RANBP9: variants seen among roughly 807,000 people sequenced by gnomAD.
RANBP9 encodes the protein RAN binding protein 9, also known as ran-binding protein 9.
In RANBP9, 15 loss-of-function variants were observed where a neutral mutation model predicts 84.3. The ratio of observed to expected loss-of-function variants is 0.18; its 90% confidence interval spans 0.12 to 0.27. The LOEUF (loss-of-function observed/expected upper bound fraction) is 0.27. Ranked by LOEUF, RANBP9 falls within the 10% of genes least tolerant of loss-of-function variation. The pLI is 1.00. For synonymous variants in RANBP9, 392 were observed against 349.6 expected (o/e 1.12, Z -1.35); for missense variants, 809 against 912.8 (o/e 0.89, Z 1.46).
intron 2 of RANBP9, among the ~76,000 whole-genome samples, chr6:13,694,427 TA>T (rs1399013990): frequency 6.6e-6 from 1 of 152,218 alleles, no homozygotes; most frequent in Non-Finnish European, 1.5e-5. Context: ...TGATTCCATT[TA>T]TATGCCATTC....
At chr6:13,699,835 G>A (rs1757923208) in intron 1 of RANBP9, among the ~76,000 whole-genome samples, 1 of 152,146 alleles carries the variant, frequency 6.6e-6, no homozygotes, top group Non-Finnish European at 1.5e-5. Context: ...ACTCCAGCCT[G>A]AGCAATAGAG....
intron 2 of RANBP9, among the ~76,000 whole-genome samples, chr6:13,667,415 CTTGA>C (rs1211965967): frequency 2.0e-5 from 3 of 152,054 alleles, no homozygotes; most frequent in African/African-American, 2.4e-5. Flanking sequence ...CTATTACATT[CTTGA>C]TTAAGTTAGT....
chr6:13,702,335 C>T (rs1001146950), intron 1 of RANBP9, among the ~76,000 whole-genome samples: 10 of 152,104 alleles, frequency 6.6e-5, no homozygotes, highest in African/African-American at 1.9e-4. Flanking sequence ...CTCAGCTATT[C>T]GGGAGGCTGA....
At chr6:13,699,081 T>C (rs1757908362) in intron 1 of RANBP9, among the ~76,000 whole-genome samples, 1 of 152,096 alleles carries the variant, frequency 6.6e-6, no homozygotes, top group African/African-American at 2.4e-5. Flanking sequence ...CCTCACTTTT[T>C]GAAATGAAGA....
chr6:13,706,894 C>G (rs1247593614), intron 1 of RANBP9, among the ~76,000 whole-genome samples: 1 of 151,382 alleles, frequency 6.6e-6, no homozygotes, highest in Non-Finnish European at 1.5e-5. Context: ...CCCAGCTACT[C>G]AGCTACTCAG....
intron 2 of RANBP9, among the ~76,000 whole-genome samples, chr6:13,660,050 G>A (rs1423069814): frequency 1.3e-5 from 2 of 152,168 alleles, no homozygotes; most frequent in African/African-American, 4.8e-5. Flanking sequence ...CTACATGTAA[G>A]AGGAACATTT....
Position 13,622,204 on chromosome 6 carries a change from T to G in RANBP9, c.*158A>C. On this transcript the variant is annotated 3_prime_UTR_variant, in exon 14 of 14. Transcript: ENST00000011619. ...TTTCTCCTAACACTAAGTTAGAAAA[T>G]CATTTGCATCATGCTGTAAACTAGG... The G allele has an allele frequency of 1.5e-6, 1 of 663,198 alleles. No individual in the cohort carries two copies. Among genetic ancestry groups the G allele is most frequent in the Non-Finnish European group, 2.2e-6 (1 of 464,072 alleles). The allele number at this position is 663,198 out of a possible 1,614,324, so 41.1% of individuals were successfully genotyped here.
intron 5 of RANBP9, among the ~76,000 whole-genome samples, chr6:13,650,301 AG>A (rs886676225): frequency 4.1e-4 from 63 of 152,128 alleles, no homozygotes; most frequent in African/African-American, 1.4e-3. Flanking sequence ...TTTGATCGGT[AG>A]GGTTCAAATA....
In RANBP9 at chr6:13,711,278, GGGCGGC is replaced by G. The variant is rs918978796; in HGVS notation, c.222_227del (p.Pro76_Pro77del). 6.0e-5 allele frequency: 60 copies of G among 992,280 alleles called. No individual in the cohort carries two copies. Among genetic ancestry groups the G allele is most frequent in the Non-Finnish European group, 6.3e-5 (53 of 835,564 alleles). 61.5% of individuals were successfully genotyped at this position (992,280 alleles called of 1,614,324 possible). ...GGGGCGGCGGGGCCGCGGTGGCCGG[GGGCGGC>G]GGCGGCGGAGGGTGGAGGAGCAGGG... On this transcript the variant is annotated inframe_deletion, in exon 1 of 14. Transcript: ENST00000011619.
intron 10 of RANBP9, among the ~76,000 whole-genome samples, chr6:13,636,130 G>T (rs569315970): frequency 6.6e-6 from 1 of 152,156 alleles, no homozygotes; most frequent in South Asian, 2.1e-4. Context: ...GGAGGTGAGG[G>T]AGGGTAGGAA....
chr6:13,629,901 C>G (rs1017561925), intron 12 of RANBP9, among the ~76,000 whole-genome samples: 10 of 119,062 alleles, frequency 8.4e-5, no homozygotes, highest in Middle Eastern at 3.9e-3. Context: ...CTCTGTCTCT[C>G]TCTCTCTCTC....
At chr6:13,654,088 C>CT (rs1350564499) in intron 4 of RANBP9, among the ~76,000 whole-genome samples, 1 of 151,916 alleles carries the variant, frequency 6.6e-6, no homozygotes, top group South Asian at 2.1e-4. Flanking sequence ...AGCAAAAATC[C>CT]TTTGTCTGTA....
intron 2 of RANBP9, among the ~76,000 whole-genome samples, chr6:13,693,127 GA>G (rs1766366340): frequency 6.6e-6 from 1 of 152,150 alleles, no homozygotes; most frequent in African/African-American, 2.4e-5. Flanking sequence ...AATGCCATAA[GA>G]AAGGTACTCC....
At chr6:13,649,824 A>C (rs1013985421) in intron 5 of RANBP9, among the ~76,000 whole-genome samples, 15 of 152,048 alleles carry the variant, frequency 9.9e-5, no homozygotes, top group African/African-American at 3.6e-4. Flanking sequence ...CCTAAAATCC[A>C]TTCCAATCAG....
At position 13,658,933 on chromosome 6, in the gene RANBP9, T is replaced by G. The variant is rs1426035828; in HGVS notation, c.684-101A>C. 4 of 1,168,288 alleles carry G rather than the reference T, an allele frequency of 3.4e-6. No homozygotes were observed. In the South Asian group the frequency reaches 3.8e-5, roughly 11 times the overall value. 72.4% of individuals were successfully genotyped at this position (1,168,288 alleles called of 1,614,324 possible). A position where few individuals can be genotyped will look rare whatever the true frequency, so the allele number is the denominator to read the frequency against. On this transcript the variant is annotated intron_variant, in intron 2 of 13. Transcript: ENST00000011619. Reference sequence around the variant, plus strand: ...AAACAATATCAGAACCAAGCCCAAGTTGGAACTCCTAAGGTAGCAACAAAA... The same window carrying G: ...AAACAATATCAGAACCAAGCCCAAGGTGGAACTCCTAAGGTAGCAACAAAA...
intron 2 of RANBP9, among the ~76,000 whole-genome samples, chr6:13,667,029 A>G (rs1765666304): frequency 6.6e-6 from 1 of 152,204 alleles, no homozygotes; most frequent in Non-Finnish European, 1.5e-5. Flanking sequence ...AACTCAATCC[A>G]ACAGTGAGGG....
intron 3 of RANBP9, among the ~76,000 whole-genome samples, chr6:13,658,371 G>C (rs1384639747): frequency 6.6e-6 from 1 of 152,218 alleles, no homozygotes; most frequent in Non-Finnish European, 1.5e-5. Flanking sequence ...CAGTTTGGGA[G>C]GCCGAGGCAG....
chr6:13,654,718 T>C (rs977238764), intron 4 of RANBP9, among the ~76,000 whole-genome samples: 1 of 152,188 alleles, frequency 6.6e-6, no homozygotes, highest in Non-Finnish European at 1.5e-5. Context: ...ATAAACAATA[T>C]TTAAGTAGGT....
chr6:13,635,588 C>CA (rs1288239986), intron 10 of RANBP9, among the ~76,000 whole-genome samples: 2 of 149,914 alleles, frequency 1.3e-5, no homozygotes, highest in Non-Finnish European at 3.0e-5. Context: ...TGTGTGCATG[C>CA]ATACACTCCT....
Sources: allele counts gnomAD v4.1 joint callset (sites outside exome capture counted in the v4.1 genomes callset), GRCh38; gene constraint gnomAD v4.1.1; transcripts MANE v1.5; gene names NCBI Gene and HGNC (gene_info 2026-07-23, HGNC 2026-07-21).